TOMM20L: variants seen among roughly 807,000 people sequenced by gnomAD.
TOMM20L encodes translocase of outer mitochondrial membrane 20 like, also known as TOMM20-like protein 1.
Under a neutral mutation model 20.4 loss-of-function variants are expected in TOMM20L, and 19 were observed. The ratio of observed to expected loss-of-function variants is 0.93; its 90% CI spans 0.65 to 1.36. TOMM20L has a LOEUF of 1.36. Ranked by LOEUF, TOMM20L falls within the 40% of genes most tolerant of loss-of-function variation. The pLI is 0.00. For synonymous variants in TOMM20L, 75 were observed against 79.6 expected (o/e 0.94, Z 0.30); for missense variants, 218 against 203.7 (o/e 1.07, Z -0.43).
At chr14:58,408,904 G>T, downstream of TOMM20L, 2 of 1,365,028 alleles carry the variant, frequency 1.5e-6, no homozygotes, top group Non-Finnish European at 9.9e-7. Flanking sequence ...GTTTCCATTT[G>T]CCAAACAGTC....
chr14:58,411,387 G>T (rs368676557), downstream of TOMM20L, among the ~76,000 whole-genome samples: 10 of 151,962 alleles, frequency 6.6e-5, no homozygotes, highest in African/African-American at 2.4e-4. Context: ...GATGGAGGTT[G>T]CAGTGAACCA....
intron 3 of TOMM20L, among the ~76,000 whole-genome samples, chr14:58,405,158 G>C (rs1284258474): frequency 1.3e-5 from 2 of 152,032 alleles, no homozygotes; most frequent in East Asian, 3.9e-4. Context: ...AGTAGACACA[G>C]GGTTTCACCA....
At chr14:58,410,423 A>T (rs994289714), downstream of TOMM20L, among the ~76,000 whole-genome samples, 3 of 152,148 alleles carry the variant, frequency 2.0e-5, no homozygotes, top group African/African-American at 7.2e-5. Context: ...GTCTTAAAAA[A>T]ATAGTTAAGA....
chr14:58,412,196 G>A (rs570019590), downstream of TOMM20L: 7 of 388,490 alleles, frequency 1.8e-5, no homozygotes, highest in African/African-American at 4.1e-5. Flanking sequence ...AGGCTGGAGC[G>A]CAGTGGCGCC....
chr14:58,411,658 C>T (rs570001606), downstream of TOMM20L, among the ~76,000 whole-genome samples: 2 of 151,866 alleles, frequency 1.3e-5, no homozygotes, highest in Non-Finnish European at 2.9e-5. Context: ...TGTGCCTCAG[C>T]CTCCCACGTA....
chr14:58,412,039 A>G (rs1239346523), downstream of TOMM20L: 3 of 1,139,152 alleles, frequency 2.6e-6, no homozygotes, highest in Non-Finnish European at 2.6e-6. Context: ...CTGAAGAGTT[A>G]GGGAATCACT....
intron 2 of TOMM20L, among the ~76,000 whole-genome samples, chr14:58,399,713 G>C (rs1416596905): frequency 6.6e-6 from 1 of 151,244 alleles, no homozygotes; most frequent in Admixed American, 6.6e-5. Flanking sequence ...ACCTTAGTGT[G>C]TCCCGAAGTA....
downstream of TOMM20L, chr14:58,412,214 C>A: frequency 8.4e-6 from 3 of 355,128 alleles, 1 homozygote; most frequent in Non-Finnish European, 1.6e-5. Flanking sequence ...GCCATCTTGG[C>A]TCACTGCAAC....
intron 3 of TOMM20L, among the ~76,000 whole-genome samples, chr14:58,403,419 A>T (rs559203709): frequency 6.6e-6 from 1 of 152,334 alleles, no homozygotes; most frequent in Non-Finnish European, 1.5e-5. Context: ...TTCTTAGAAT[A>T]TTCTTAATAC....
chr14:58,399,346 C>T (rs1272773711), intron 2 of TOMM20L, among the ~76,000 whole-genome samples: 4 of 152,164 alleles, frequency 2.6e-5, no homozygotes, highest in African/African-American at 9.7e-5. Context: ...GATTATTTGA[C>T]CCTGATCCCA....
chr14:58,401,310 G>A (rs1208053872), intron 2 of TOMM20L, among the ~76,000 whole-genome samples: 1 of 151,836 alleles, frequency 6.6e-6, no homozygotes, highest in East Asian at 1.9e-4. Flanking sequence ...GGTGGCTCAC[G>A]CCTGTAATCC....
Position 58,400,778 on chromosome 14 carries a change from T to C in TOMM20L, c.181-1902T>C, listed in dbSNP as rs894375303. 8.5e-5 allele frequency among the ~76,000 whole-genome samples: 13 copies of C among 152,056 alleles called. No homozygotes were observed. In the East Asian group the frequency reaches 2.5e-3, roughly 30 times the overall value. On this transcript the variant is annotated intron_variant, in intron 2 of 4. Coordinates refer to ENST00000360945, the MANE Select transcript of TOMM20L (RefSeq NM_207377.3). ...CTGTAATCCCAGCTACTCAGGAGGC[T>C]GAGGCAGGAGAATCACTTGAACCCG...
chr14:58,399,043 A>G (rs988750075), intron 2 of TOMM20L: 4 of 152,170 alleles, frequency 2.6e-5, no homozygotes, highest in Admixed American at 2.0e-4. Flanking sequence ...GCATACCACC[A>G]TGCCTGGCTA....
intron 2 of TOMM20L, among the ~76,000 whole-genome samples, chr14:58,396,780 G>T (rs1177398116): frequency 1.3e-5 from 2 of 152,168 alleles, no homozygotes; most frequent in East Asian, 3.9e-4. Context: ...GGCAAAATTT[G>T]ATTAGTCCCT....
chr14:58,405,071 C>T (rs1395067982), intron 3 of TOMM20L, among the ~76,000 whole-genome samples: 1 of 151,552 alleles, frequency 6.6e-6, no homozygotes, highest in Non-Finnish European at 1.5e-5. Flanking sequence ...CAGGTTCAAG[C>T]GATTCTCCGG....
chr14:58,409,097 T>C (rs2036124341), downstream of TOMM20L: 2 of 1,614,078 alleles, frequency 1.2e-6, no homozygotes, highest in Non-Finnish European at 1.7e-6. Context: ...GAATATGATA[T>C]TCCTGAAATC....
At chr14:58,400,824 G>A in intron 2 of TOMM20L, among the ~76,000 whole-genome samples, 1 of 152,076 alleles carries the variant, frequency 6.6e-6, no homozygotes, top group East Asian at 1.9e-4. Flanking sequence ...GTTGCAGTGA[G>A]TCAAGACTGC....
Position 58,407,356 on chromosome 14 carries a change from G to A in TOMM20L, c.293G>A (p.Gly98Asp), listed in dbSNP as rs1459257704. The part of the protein sequence containing the change: ...GEHRMGIQHL[G>D]NALLVCEQPR... ...CACAGAATGGGGATTCAACACCTCG[G>A]CAATGCCCTTTTAGTGTGCGAGCAA... Residue 98 changes from glycine (G) to aspartate (D), a missense_variant, in exon 4 of 5, where the codon GGC becomes GAC. By Grantham distance (94) the Gly-to-Asp change is moderately conservative. Transcript: ENST00000360945. 6.2e-7 allele frequency: 1 copy of A among 1,610,668 alleles called. No homozygotes were observed. The highest frequency in any genetic ancestry group is 8.5e-7 in the Non-Finnish European group (1 of 1,178,758).
At chr14:58,408,411 C>A in intron 4 of TOMM20L, 118 bp from the exon 5 acceptor site, 1 of 882,392 alleles carries the variant, frequency 1.1e-6, no homozygotes, top group Admixed American at 2.5e-5. Flanking sequence ...AAGCAAAACT[C>A]CGTCTCAAAA....
Sources: allele counts gnomAD v4.1 joint callset (sites outside exome capture counted in the v4.1 genomes callset), GRCh38; gene constraint gnomAD v4.1.1; transcripts MANE v1.5; gene names NCBI Gene and HGNC (gene_info 2026-07-23, HGNC 2026-07-21).